NMNAT2: variants seen among roughly 807,000 people sequenced by gnomAD.
NMNAT2 encodes nicotinamide nucleotide adenylyltransferase 2, also known as nicotinamide/nicotinic acid mononucleotide adenylyltransferase 2.
In NMNAT2, 11 loss-of-function variants were observed where a neutral mutation model predicts 41.6. The observed-to-expected ratio is 0.26, with a 90% confidence interval of 0.17 to 0.44. The LOEUF (loss-of-function observed/expected upper bound fraction) is 0.44, where lower values mean the gene tolerates loss of function less well. NMNAT2 is among the 20% of genes least tolerant of loss of function. The pLI, the probability that NMNAT2 is intolerant of heterozygous loss-of-function variation, is 1.00. For missense variants in NMNAT2, 288 were observed against 407.7 expected (o/e 0.71, Z 2.53); for synonymous variants, 148 against 151.2 (o/e 0.98, Z 0.16).
At chr1:183,376,007 T>TA (rs11423605) in intron 1 of NMNAT2, among the ~76,000 whole-genome samples, 104,728 of 151,914 alleles carry the variant, frequency 0.69, 36,373 homozygotes, top group East Asian at 0.91. Context: ...GGTCACTCAC[T>TA]AATGCTATTA....
intron 1 of NMNAT2, among the ~76,000 whole-genome samples, chr1:183,416,645 G>T (rs570972273): frequency 6.6e-6 from 1 of 152,316 alleles, no homozygotes; most frequent in African/African-American, 2.4e-5. Context: ...TGGTGAAGAA[G>T]GGATGGCTAT....
At chr1:183,394,021 C>T (rs1648561954) in intron 1 of NMNAT2, among the ~76,000 whole-genome samples, 1 of 152,082 alleles carries the variant, frequency 6.6e-6, no homozygotes, top group Non-Finnish European at 1.5e-5. Flanking sequence ...AAATGAATCA[C>T]CTAAAATAAG....
At chr1:183,347,515 A>C (rs941867282) in intron 1 of NMNAT2, among the ~76,000 whole-genome samples, 2 of 152,194 alleles carry the variant, frequency 1.3e-5, no homozygotes, top group African/African-American at 4.8e-5. Flanking sequence ...TGTTGAGAGG[A>C]TTAAGTTAGA....
chr1:183,381,621 C>G (rs572837848), intron 1 of NMNAT2, among the ~76,000 whole-genome samples: 1 of 152,096 alleles, frequency 6.6e-6, no homozygotes, highest in South Asian at 2.1e-4. Context: ...CGTTTGAGCC[C>G]AGGAAGAAGA....
At chr1:183,271,391 C>G (rs1037760672) in intron 8 of NMNAT2, among the ~76,000 whole-genome samples, 1 of 152,160 alleles carries the variant, frequency 6.6e-6, no homozygotes, top group African/African-American at 2.4e-5. Flanking sequence ...TTTCCACCTA[C>G]TTAACCCAGT....
At chr1:183,342,461 T>G (rs1192632795) in intron 1 of NMNAT2, among the ~76,000 whole-genome samples, 1 of 152,222 alleles carries the variant, frequency 6.6e-6, no homozygotes, top group Non-Finnish European at 1.5e-5. Flanking sequence ...ATGTGTTAAC[T>G]CCACAAAAGG....
intron 1 of NMNAT2, among the ~76,000 whole-genome samples, chr1:183,362,225 C>T (rs1482890385): frequency 2.0e-5 from 3 of 152,168 alleles, no homozygotes; most frequent in African/African-American, 7.2e-5. Flanking sequence ...GGGCATGAGC[C>T]ACTACACCCA....
chr1:183,255,064 T>C (rs770500610), intron 10 of NMNAT2, among the ~76,000 whole-genome samples: 4 of 152,188 alleles, frequency 2.6e-5, no homozygotes, highest in Admixed American at 6.5e-5. Context: ...TACACTTAGG[T>C]TCTTTATCCA....
intron 1 of NMNAT2, among the ~76,000 whole-genome samples, chr1:183,417,638 G>T (rs1649293545): frequency 1.3e-5 from 2 of 152,156 alleles, no homozygotes; most frequent in South Asian, 2.1e-4. Flanking sequence ...TCCCTGGGCC[G>T]CCCAGAATCA....
intron 1 of NMNAT2, among the ~76,000 whole-genome samples, chr1:183,377,116 C>T (rs1486086023): frequency 1.3e-5 from 2 of 151,838 alleles, no homozygotes; most frequent in African/African-American, 2.4e-5. Context: ...TGGAAATTCA[C>T]GAAAGCTGGG....
intron 1 of NMNAT2, among the ~76,000 whole-genome samples, chr1:183,350,958 T>A (rs1195541858): frequency 6.6e-6 from 1 of 152,136 alleles, no homozygotes; most frequent in Non-Finnish European, 1.5e-5. Flanking sequence ...TCCAGAACTG[T>A]GTCAGCAAAA....
chr1:183,410,752 C>CT (rs11462316), intron 1 of NMNAT2, among the ~76,000 whole-genome samples: 70,540 of 145,758 alleles, frequency 0.48, 18,321 homozygotes, highest in East Asian at 0.65. Flanking sequence ...TTTTAATTTC[C>CT]TTTTTTTTTT....
At chr1:183,380,135 G>T (rs1198530890) in intron 1 of NMNAT2, among the ~76,000 whole-genome samples, 5 of 152,170 alleles carry the variant, frequency 3.3e-5, no homozygotes, top group Admixed American at 6.5e-5. Flanking sequence ...GAGAGATTTT[G>T]TTCAGGTTTC....
intron 1 of NMNAT2, among the ~76,000 whole-genome samples, chr1:183,298,767 GAACAAC>G (rs1024757963): frequency 6.6e-6 from 1 of 151,896 alleles, no homozygotes; most frequent in African/African-American, 2.4e-5. Flanking sequence ...TAGTGGTTAG[GAACAAC>G]AACAACAACA....
chr1:183,301,665 A>G (rs780694298), intron 1 of NMNAT2, among the ~76,000 whole-genome samples: 1 of 152,170 alleles, frequency 6.6e-6, no homozygotes, highest in Non-Finnish European at 1.5e-5. Context: ...ATTCCAGGCC[A>G]CTTGGAACCA....
chr1:183,388,157 T>C (rs1327289723), intron 1 of NMNAT2, among the ~76,000 whole-genome samples: 1 of 152,170 alleles, frequency 6.6e-6, no homozygotes, highest in Non-Finnish European at 1.5e-5. Flanking sequence ...CAGCTACAAG[T>C]GACTGAGCTG....
chr1:183,410,560 G>A (rs1649088331), intron 1 of NMNAT2, among the ~76,000 whole-genome samples: 2 of 151,742 alleles, frequency 1.3e-5, no homozygotes, highest in Admixed American at 1.3e-4. Context: ...AAAAATGCTG[G>A]GTCAGATCTG....
At chr1:183,370,534 CTT>C (rs1663512965) in intron 1 of NMNAT2, among the ~76,000 whole-genome samples, 1 of 152,204 alleles carries the variant, frequency 6.6e-6, no homozygotes, top group Non-Finnish European at 1.5e-5. Context: ...CACTTCTCCA[CTT>C]CACCATAGAA....
intron 1 of NMNAT2, among the ~76,000 whole-genome samples, chr1:183,381,895 T>C (rs968530585): frequency 2.0e-5 from 3 of 152,232 alleles, no homozygotes; most frequent in Admixed American, 6.5e-5. Context: ...AACAATCTTG[T>C]TCTAGATCAC....
Sources: gnomAD v4.1 joint callset for allele counts (sites outside exome capture counted in the v4.1 genomes callset) on GRCh38, gnomAD v4.1.1 for gene constraint, MANE v1.5 for transcripts, NCBI Gene and HGNC (gene_info 2026-07-23, HGNC 2026-07-21) for gene names.